The following RUFY4 variants were observed in gnomAD, a reference collection of about 807,000 sequenced individuals.
RUFY4 encodes the protein RUN and FYVE domain-containing protein 4.
In RUFY4, 73 loss-of-function variants were observed where a neutral mutation model predicts 69.0. The observed-to-expected ratio is 1.06, with a 90% CI of 0.88 to 1.29. RUFY4 has a LOEUF of 1.29. RUFY4 is among the 50% of genes most tolerant of loss of function. RUFY4 has a pLI of 0.00. For synonymous variants in RUFY4, 287 were observed against 271.8 expected, an observed-to-expected ratio of 1.06 and a Z score of -0.55; for missense variants, 770 against 705.6, an observed-to-expected ratio of 1.09 and a Z score of -1.03.
chr2:218,045,287 G>C (rs1293396712), intron 2 of RUFY4, among the ~76,000 whole-genome samples: 1 of 152,144 alleles, frequency 6.6e-6, no homozygotes, highest in Non-Finnish European at 1.5e-5. Flanking sequence ...AAGAAGTCAA[G>C]CAAAGAACTT....
intron 2 of RUFY4, among the ~76,000 whole-genome samples, chr2:218,071,365 G>C (rs1304964834): frequency 6.6e-6 from 1 of 152,026 alleles, no homozygotes; most frequent in Non-Finnish European, 1.5e-5. Flanking sequence ...CTGCACTTCA[G>C]CTCCCCTGGC....
chr2:218,054,780 T>C (rs1377157851), intron 2 of RUFY4, among the ~76,000 whole-genome samples: 1 of 152,212 alleles, frequency 6.6e-6, no homozygotes, highest in Non-Finnish European at 1.5e-5. Context: ...AGTTTCTCTC[T>C]TAAGCTATCT....
exon 11 of RUFY4, chr2:218,090,107 T>A: frequency 9.0e-7 from 1 of 1,109,730 alleles, no homozygotes; most frequent in Non-Finnish European, 1.3e-6. Context: ...CCCATCCCAC[T>A]CAATCCACTC....
At chr2:218,072,475 C>A in exon 3 of RUFY4, 1 of 1,537,250 alleles carries the variant, frequency 6.5e-7, no homozygotes, top group Non-Finnish European at 8.7e-7. Flanking sequence ...TGGAGCCAAT[C>A]CACTTTGTCC....
At chr2:218,047,564 C>T (rs557991350) in intron 2 of RUFY4, among the ~76,000 whole-genome samples, 6 of 152,244 alleles carry the variant, frequency 3.9e-5, no homozygotes, top group Middle Eastern at 3.4e-3. Context: ...TTTTCACATA[C>T]ATATTTGTGT....
upstream of RUFY4, chr2:218,070,174 C>G (rs1689450490): frequency 4.3e-6 from 1 of 233,900 alleles, no homozygotes; most frequent in South Asian, 6.4e-5. Flanking sequence ...TCACTCACAC[C>G]AAGTCAGGAC....
chr2:218,081,799 C>T (rs1009832460), intron 8 of RUFY4, among the ~76,000 whole-genome samples: 1 of 152,236 alleles, frequency 6.6e-6, no homozygotes, highest in African/African-American at 2.4e-5. Context: ...AGTGACTGAA[C>T]TCTTTGGAAT....
chr2:218,075,094 T>A (rs918930109), exon 7 of RUFY4: 1 of 1,521,456 alleles, frequency 6.6e-7, no homozygotes, highest in Non-Finnish European at 8.8e-7. Flanking sequence ...TCTCCACAGA[T>A]CCCAGCCGCA....
intron 9 of RUFY4, among the ~76,000 whole-genome samples, chr2:218,084,662 T>C (rs905729628): frequency 3.9e-5 from 6 of 152,102 alleles, no homozygotes; most frequent in Non-Finnish European, 7.4e-5. Flanking sequence ...AAGAGAGATA[T>C]AAAAAGTGAA....
intron 6 of RUFY4, among the ~76,000 whole-genome samples, chr2:218,074,097 G>A (rs1156763913): frequency 6.6e-6 from 1 of 152,078 alleles, no homozygotes; most frequent in Non-Finnish European, 1.5e-5. Context: ...GACACTGGGA[G>A]AGAAAGGGAA....
intron 2 of RUFY4, among the ~76,000 whole-genome samples, chr2:218,042,672 A>T (rs568189976): frequency 1.7e-4 from 26 of 149,582 alleles, no homozygotes; most frequent in African/African-American, 6.5e-4. Flanking sequence ...AGTTGTTCAT[A>T]CATGATCTGT....
Position 218,046,321 on chromosome 2 carries a change from T to C in RUFY4, c.-1158+10927T>C, listed in dbSNP as rs1233320721. Among the ~76,000 whole-genome samples the C allele has an allele frequency of 3.9e-5, 6 of 152,238 alleles. No individual in the cohort carries two copies. In the East Asian group the frequency reaches 9.7e-4, roughly 25 times the overall value. On this transcript the variant is annotated intron_variant and NMD_transcript_variant, in intron 2 of 13. Coordinates refer to the RUFY4 transcript ENST00000457754. ...TGTCTAATTGTGTATCCTGTAATTG[T>C]ATAGGGAGAGTGTAGTCTCTCACTA... is the stretch of plus-strand genomic sequence containing the variant.
At chr2:218,059,383 T>A (rs1223875755) in intron 3 of RUFY4, 1 of 165,532 alleles carries the variant, frequency 6.0e-6, no homozygotes, top group Admixed American at 6.5e-5. Context: ...TTTTTCAACA[T>A]CCCAAACATA....
At chr2:218,069,488 G>A (rs1203922115), upstream of RUFY4, 2 of 152,148 alleles carry the variant, frequency 1.3e-5, no homozygotes, top group Admixed American at 6.5e-5. Flanking sequence ...CAGGATCTGG[G>A]CTGGAAGGGG....
intron 2 of RUFY4, among the ~76,000 whole-genome samples, chr2:218,037,508 A>C (rs540016346): frequency 6.6e-6 from 1 of 152,228 alleles, no homozygotes; most frequent in Non-Finnish European, 1.5e-5. Flanking sequence ...AGCCTGACTA[A>C]TTAAATAAAT....
intron 2 of RUFY4, among the ~76,000 whole-genome samples, chr2:218,053,127 T>C (rs1559423759): frequency 6.6e-6 from 1 of 152,076 alleles, no homozygotes; most frequent in Non-Finnish European, 1.5e-5. Flanking sequence ...GCCTGGCTCG[T>C]GATTCTATTT....
intron 2 of RUFY4, among the ~76,000 whole-genome samples, chr2:218,048,474 C>T (rs186085602): frequency 2.0e-5 from 3 of 152,108 alleles, no homozygotes; most frequent in African/African-American, 7.2e-5. Flanking sequence ...CTTTTGTTGC[C>T]GTTGCTTTTT....
chr2:218,068,363 G>C (rs1689400112), upstream of RUFY4, among the ~76,000 whole-genome samples: 2 of 152,102 alleles, frequency 1.3e-5, no homozygotes, highest in Admixed American at 1.3e-4. Flanking sequence ...AGGGTGCAAA[G>C]TGAGACACAG....
intron 6 of RUFY4, 185 bp downstream of exon 8, chr2:218,074,070 A>G (rs1028780310): frequency 1.4e-5 from 9 of 642,044 alleles, no homozygotes; most frequent in African/African-American, 1.8e-5. Context: ...GAGGGCTCCT[A>G]TTCCTGGGGT....
Sources: gnomAD v4.1 joint callset for allele counts (sites outside exome capture counted in the v4.1 genomes callset) on GRCh38, gnomAD v4.1.1 for gene constraint, MANE v1.5 for transcripts, NCBI Gene and HGNC (gene_info 2026-07-23, HGNC 2026-07-21) for gene names.